FREM1: variants seen among roughly 807,000 people sequenced by gnomAD.
FREM1 encodes the protein FRAS1-related extracellular matrix protein 1.
In FREM1, 220 loss-of-function variants were observed where a neutral mutation model predicts 210.1. The ratio of observed to expected loss-of-function variants is 1.05; its 90% confidence interval spans 0.94 to 1.17. The LOEUF (loss-of-function observed/expected upper bound fraction) is 1.17. FREM1 is among the 50% of genes most tolerant of loss of function. The probability of loss-of-function intolerance (pLI) is 0.00; values close to 1 mark genes in which losing one functional copy is unlikely to be tolerated. For synonymous variants in FREM1, 1,189 were observed against 980.2 expected, an observed-to-expected ratio of 1.21 and a Z score of -3.98; for missense variants, 3,454 against 2,675.5, an observed-to-expected ratio of 1.29 and a Z score of -6.42.
At chr9:14,873,835 T>G (rs1029826816) in intron 1 of FREM1, among the ~76,000 whole-genome samples, 3 of 152,220 alleles carry the variant, frequency 2.0e-5, no homozygotes, top group Non-Finnish European at 2.9e-5. Flanking sequence ...ACACACTGTT[T>G]TGAATGTGTC....
intron 12 of FREM1, among the ~76,000 whole-genome samples, chr9:14,823,545 G>C (rs1387532066): frequency 1.3e-5 from 2 of 152,130 alleles, no homozygotes; most frequent in Admixed American, 1.3e-4. Context: ...TCTCCTACAG[G>C]GTTTCAGAAG....
intron 29 of FREM1, chr9:14,751,905 C>CA (rs1417572594): frequency 6.6e-6 from 1 of 151,006 alleles, no homozygotes; most frequent in Non-Finnish European, 1.5e-5. Flanking sequence ...AGATTTTATT[C>CA]AAAAACAGGC....
rs1307573246 is a variant in FREM1 at position 14,875,588 on chromosome 9, T to A, written c.-267-6344A>T. 2.6e-5 allele frequency among the ~76,000 whole-genome samples: 4 copies of A among 152,190 alleles called. No homozygotes were observed. In the East Asian group the frequency reaches 7.7e-4, roughly 29 times the overall value. ...GTTACACATTCGTCTAAATTTTTTTTAAAGTTTTTAACTTCTTTGCCTTTG... is the reference window on the plus strand; with the variant it reads ...GTTACACATTCGTCTAAATTTTTTTAAAAGTTTTTAACTTCTTTGCCTTTG... On this transcript the variant is annotated intron_variant, in intron 1 of 36. Transcript: ENST00000380880.
intron 8 of FREM1, among the ~76,000 whole-genome samples, chr9:14,844,132 G>T (rs939171353): frequency 1.3e-5 from 2 of 151,990 alleles, no homozygotes; most frequent in Non-Finnish European, 2.9e-5. Flanking sequence ...TCTGAACCCA[G>T]ACCATCAATG....
chr9:14,817,942 C>T (rs1820597403), intron 14 of FREM1, among the ~76,000 whole-genome samples: 3 of 152,056 alleles, frequency 2.0e-5, no homozygotes, highest in Non-Finnish European at 2.9e-5. Context: ...TGCTAAAATC[C>T]CTAAAAGGAT....
Position 14,747,381 on chromosome 9 carries a change from A to G in FREM1, c.5892T>C (p.Thr1964=), listed in dbSNP as rs756703645. 3.7e-6 allele frequency: 6 copies of G among 1,613,662 alleles called. No individual in the cohort carries two copies. Among genetic ancestry groups the G allele is most frequent in the Non-Finnish European group, 5.1e-6 (6 of 1,179,710 alleles). ...SLKLEDDSFP[T]HKRKAKVSII... ...TGGATACTTTGGCCTTCCTTTTGTG[A>G]GTTGGGAAACTGTCATCCTCCAGTT... The change falls in exon 33 of 37, where the codon ACT becomes ACC. Residue 1964 remains threonine (T), a synonymous_variant. Coordinates refer to ENST00000380880, the MANE Select transcript of FREM1 (RefSeq NM_001379081.2).
At chr9:14,827,126 G>T (rs1038757577) in intron 10 of FREM1, among the ~76,000 whole-genome samples, 1 of 152,166 alleles carries the variant, frequency 6.6e-6, no homozygotes, top group Admixed American at 6.5e-5. Context: ...GCTGTGAATA[G>T]ATCATAAAGG....
chr9:14,870,357 G>A (rs910658548), intron 1 of FREM1, among the ~76,000 whole-genome samples: 1 of 152,126 alleles, frequency 6.6e-6, no homozygotes, highest in Non-Finnish European at 1.5e-5. Flanking sequence ...TGTTTTTTAT[G>A]GTATCAGTCC....
rs1841117174 is a variant in FREM1 at position 14,739,529 on chromosome 9, GTAAA to G, written c.6340+616_6340+619del. The stretch of plus-strand genomic sequence containing the variant: ...TGAATATATGTATATATTCCAATAT[GTAAA>G]TATTATATATATTTATATATACAAA... On this transcript the variant is annotated intron_variant, in intron 36 of 36. Transcript: ENST00000380880. 2.1e-5 allele frequency among the ~76,000 whole-genome samples: 3 copies of G among 142,106 alleles called. No individual in the cohort carries two copies. In the South Asian group the frequency reaches 6.6e-4, roughly 31 times the overall value. 93.2% of individuals were successfully genotyped at this position (142,106 alleles called of 152,430 possible).
intron 27 of FREM1, 147 bp downstream of exon 27, chr9:14,769,577 T>C (rs1198136527): frequency 1.3e-5 from 11 of 843,398 alleles, no homozygotes; most frequent in Non-Finnish European, 1.9e-5. Context: ...GAAAATTCAT[T>C]CTCCAAAATA....
Position 14,747,391 on chromosome 9 carries a change from CTG to C in FREM1, c.5880_5881del (p.Asp1960GlufsTer15), listed in dbSNP as rs1563821580. 1 of 1,613,606 alleles carries C rather than the reference CTG, an allele frequency of 6.2e-7. No individual in the cohort carries two copies. Among genetic ancestry groups the C allele is most frequent in the Admixed American group, 1.7e-5 (1 of 59,988 alleles). On this transcript the variant is annotated frameshift_variant, in exon 33 of 37. Coordinates refer to ENST00000380880, the MANE Select transcript of FREM1 (RefSeq NM_001379081.2). LOFTEE classifies it high-confidence loss of function. Reference sequence around the variant, plus strand: ...GGCCTTCCTTTTGTGAGTTGGGAAACTGTCATCCTCCAGTTTCAAGGAAACTA... The same window carrying C: ...GGCCTTCCTTTTGTGAGTTGGGAAACTCATCCTCCAGTTTCAAGGAAACTA...
At chr9:14,883,482 T>C (rs1835191540) in intron 1 of FREM1, among the ~76,000 whole-genome samples, 1 of 152,146 alleles carries the variant, frequency 6.6e-6, no homozygotes, top group African/African-American at 2.4e-5. Flanking sequence ...AAAATACTGC[T>C]CTTATTTTTG....
intron 24 of FREM1, among the ~76,000 whole-genome samples, chr9:14,781,535 C>T (rs1360796921): frequency 5.3e-5 from 8 of 152,092 alleles, no homozygotes. Context: ...TGAATACTTG[C>T]AAGCATAAAA....
intron 35 of FREM1, 44 bp from the exon 36 acceptor site, chr9:14,740,278 C>G: frequency 4.4e-6 from 6 of 1,353,816 alleles, no homozygotes; most frequent in Non-Finnish European, 6.3e-6. Flanking sequence ...AAGCAGTTAA[C>G]ATTTCTGCTG....
intron 10 of FREM1, among the ~76,000 whole-genome samples, chr9:14,835,851 C>T (rs1221773204): frequency 6.6e-6 from 1 of 152,196 alleles, no homozygotes; most frequent in East Asian, 1.9e-4. Flanking sequence ...AAAAATTTTG[C>T]TCCAAAACTT....
At chr9:14,860,870 TATACGTATATATAC>T (rs1830034938) in intron 3 of FREM1, among the ~76,000 whole-genome samples, 1 of 74,456 alleles carries the variant, frequency 1.3e-5, no homozygotes, top group African/African-American at 6.7e-5. Flanking sequence ...TACACATATA[TATACGTATATATAC>T]ACATATATAC....
intron 31 of FREM1, 55 bp from the exon 32 acceptor site, chr9:14,747,783 A>T: frequency 9.6e-7 from 1 of 1,036,672 alleles, no homozygotes. Flanking sequence ...AATAACTAGC[A>T]ATAGGGTAAA....
chr9:14,817,643 A>G (rs559869774), intron 14 of FREM1, among the ~76,000 whole-genome samples: 1 of 152,318 alleles, frequency 6.6e-6, no homozygotes, highest in South Asian at 2.1e-4. Context: ...AATGGAAAAT[A>G]AAAGTTGTAT....
At position 14,839,744 on chromosome 9, in the gene FREM1, G is replaced by A. The variant is rs192435062; in HGVS notation, c.1881+1703C>T. On this transcript the variant is annotated intron_variant, in intron 10 of 36. Coordinates refer to ENST00000380880, the MANE Select transcript of FREM1 (RefSeq NM_001379081.2). ...TATATAACAACGAAAGAAGAAAAAAGAAGTCCTGAATTTTTCATTTTTAAA... is the reference window on the plus strand; with the variant it reads ...TATATAACAACGAAAGAAGAAAAAAAAAGTCCTGAATTTTTCATTTTTAAA... Among the ~76,000 whole-genome samples, 186 of 152,204 alleles carry A rather than the reference G, an allele frequency of 1.2e-3. 1 individual carries two copies. The East Asian group carries it at 0.022, about 18-fold the overall frequency.
Sources: allele counts gnomAD v4.1 joint callset (sites outside exome capture counted in the v4.1 genomes callset), GRCh38; gene constraint gnomAD v4.1.1; transcripts MANE v1.5; gene names NCBI Gene and HGNC (gene_info 2026-07-23, HGNC 2026-07-21).